Variants in LARP4B observed in about 807,000 individuals in gnomAD.
The protein encoded by LARP4B is la-related protein 4B.
LARP4B carries 12 observed loss-of-function variants against 89.8 expected under a neutral mutation model. That is an observed-to-expected ratio of 0.13 (90% CI 0.09 to 0.22). LARP4B has a LOEUF of 0.22. Ranked by LOEUF, LARP4B falls within the 10% of genes least tolerant of loss-of-function variation. LARP4B has a pLI of 1.00. For missense variants in LARP4B, 757 were observed against 947.7 expected, an observed-to-expected ratio of 0.80 and a Z score of 2.64; for synonymous variants, 367 against 363.3, an observed-to-expected ratio of 1.01 and a Z score of -0.12.
chr10:813,003 C>A lies in LARP4B; in HGVS notation c.2140G>T (p.Gly714Trp), dbSNP rs1337319874. The A allele has an allele frequency of 6.3e-7, 1 of 1,592,810 alleles. No individual in the cohort carries two copies. Residue 714 changes from glycine (G) to tryptophan (W), a missense_variant, in exon 18 of 18, where the codon GGG (glycine) becomes TGG (tryptophan). Around this residue, in one of 5 missense-constraint regions of LARP4B, gnomAD observed 387 missense variants for 423.6 expected, o/e 0.91. Coordinates refer to ENST00000316157, the MANE Select transcript of LARP4B (RefSeq NM_015155.3). The stretch of plus-strand genomic sequence containing the variant: ...ATGGCCGAGGGCGAGGGCCGGCCCC[C>A]CGCCGGCCGCCTCTGGTCTCTGGGG... Reference protein sequence around the residue: ...GAPRDQRRPAGGRPSPSAMGK... With the variant: ...GAPRDQRRPAWGRPSPSAMGK...
At chr10:965,098 C>A in the LARP4B span, among the ~76,000 whole-genome samples, 1 of 152,196 alleles carries the variant, frequency 6.6e-6, no homozygotes, top group Non-Finnish European at 1.5e-5. Flanking sequence ...CTGCTAGGTC[C>A]TCGCGGCTCA....
the LARP4B span, among the ~76,000 whole-genome samples, chr10:948,630 C>T: frequency 2.0e-5 from 3 of 152,272 alleles, no homozygotes; most frequent in Non-Finnish European, 4.4e-5. Context: ...CCCCACAGGA[C>T]CTTCTGCTCC....
At chr10:832,089 G>C (rs1832935308) in intron 8 of LARP4B, among the ~76,000 whole-genome samples, 1 of 151,814 alleles carries the variant, frequency 6.6e-6, no homozygotes, top group South Asian at 2.1e-4. Context: ...TTTCGCCCAG[G>C]CCAGAGTTCA....
chr10:830,478 T>C (rs1286712488), intron 9 of LARP4B, among the ~76,000 whole-genome samples: 1 of 152,228 alleles, frequency 6.6e-6, no homozygotes, highest in African/African-American at 2.4e-5. Flanking sequence ...TCACGCCTCC[T>C]TACAGAGCTT....
chr10:911,306 C>T (rs12357633), intron 1 of LARP4B, among the ~76,000 whole-genome samples: 19,485 of 151,906 alleles, frequency 0.13, 1,630 homozygotes, highest in Non-Finnish European at 0.19. Flanking sequence ...CAGAGTTCTA[C>T]GGTCAGAAGT....
the LARP4B span, among the ~76,000 whole-genome samples, chr10:970,757 G>A: frequency 6.6e-6 from 1 of 152,044 alleles, no homozygotes; most frequent in South Asian, 2.1e-4. Flanking sequence ...TGTAAGACCG[G>A]ACTGAGCATA....
chr10:941,349 T>C, the LARP4B span, among the ~76,000 whole-genome samples: 1 of 151,728 alleles, frequency 6.6e-6, no homozygotes, highest in East Asian at 1.9e-4. Context: ...AGTTTCACTC[T>C]TGTCGCCCAG....
intron 5 of LARP4B, 89 bp from the exon 6 acceptor site, chr10:845,144 T>A: frequency 1.1e-6 from 1 of 872,530 alleles, no homozygotes; most frequent in Non-Finnish European, 1.8e-6. Flanking sequence ...GCTTTCAACT[T>A]ACGTTCTGAC....
chr10:815,891 G>A (rs1350708249), intron 15 of LARP4B, among the ~76,000 whole-genome samples: 1 of 152,218 alleles, frequency 6.6e-6, no homozygotes, highest in East Asian at 1.9e-4. Context: ...CAGCTTGGTG[G>A]AAACAAGAGG....
chr10:918,611 C>A lies in LARP4B; in HGVS notation c.-40+12817G>T, dbSNP rs142321152. ...ATCACGCCACTGCACTCCAGCCTGG[C>A]AACAGAGTGAGACCCTGTCTCAAAA... On this transcript the variant is annotated intron_variant, in intron 1 of 17. Coordinates refer to ENST00000316157, the MANE Select transcript of LARP4B (RefSeq NM_015155.3). 5.8e-3 allele frequency among the ~76,000 whole-genome samples: 697 copies of A among 119,890 alleles called. 7 individuals carry two copies. The highest frequency in any genetic ancestry group is 0.021 in the African/African-American group (634 of 30,736). 78.7% of individuals were successfully genotyped at this position (119,890 alleles called of 152,430 possible).
At chr10:864,797 T>A (rs1157200612) in intron 3 of LARP4B, among the ~76,000 whole-genome samples, 1 of 151,960 alleles carries the variant, frequency 6.6e-6, no homozygotes. Flanking sequence ...CTACTAAAAA[T>A]ACAAAATTAG....
At chr10:880,584 G>GC (rs1275494320) in intron 3 of LARP4B, among the ~76,000 whole-genome samples, 1 of 152,092 alleles carries the variant, frequency 6.6e-6, no homozygotes, top group Non-Finnish European at 1.5e-5. Flanking sequence ...TACTCAGAAG[G>GC]CTGAGGCACA....
At chr10:857,074 A>AC (rs1834341882) in intron 5 of LARP4B, among the ~76,000 whole-genome samples, 1 of 152,100 alleles carries the variant, frequency 6.6e-6, no homozygotes, top group Non-Finnish European at 1.5e-5. Flanking sequence ...CATAGTCACC[A>AC]CAGTGCCTTC....
chr10:952,227 C>G, the LARP4B span, among the ~76,000 whole-genome samples: 2 of 149,220 alleles, frequency 1.3e-5, no homozygotes, highest in African/African-American at 2.5e-5. Flanking sequence ...GTAGTCCCAG[C>G]TACTTGGGAG....
chr10:837,086 C>T (rs1407033013), intron 7 of LARP4B, among the ~76,000 whole-genome samples: 3 of 152,130 alleles, frequency 2.0e-5, no homozygotes, highest in South Asian at 2.1e-4. Flanking sequence ...ATGAAAGTGG[C>T]AACATCATTA....
chr10:947,352 A>G, the LARP4B span, among the ~76,000 whole-genome samples: 6 of 152,140 alleles, frequency 3.9e-5, no homozygotes, highest in East Asian at 9.6e-4. Flanking sequence ...ACAAACGGCA[A>G]ATATGCTGTG....
intron 5 of LARP4B, among the ~76,000 whole-genome samples, chr10:860,095 G>C (rs1834517224): frequency 9.2e-6 from 1 of 108,706 alleles, no homozygotes; most frequent in Non-Finnish European, 1.7e-5. Flanking sequence ...GAGGGAGTGT[G>C]AATAGTGAAG....
chr10:958,696 G>A, the LARP4B span, among the ~76,000 whole-genome samples: 4 of 152,200 alleles, frequency 2.6e-5, no homozygotes, highest in Admixed American at 6.5e-5. Flanking sequence ...GGGTGAATCC[G>A]TTTAGCCGCT....
intron 3 of LARP4B, among the ~76,000 whole-genome samples, chr10:884,063 A>G (rs1835778863): frequency 6.6e-6 from 1 of 152,210 alleles, no homozygotes; most frequent in Admixed American, 6.5e-5. Context: ...TGTGAAACAA[A>G]TTTTCTGAGT....
Sources: allele counts gnomAD v4.1 joint callset (sites outside exome capture counted in the v4.1 genomes callset), GRCh38; gene constraint gnomAD v4.1.1; regional missense constraint gnomAD v4.1.1; transcripts MANE v1.5; gene names NCBI Gene and HGNC (gene_info 2026-07-23, HGNC 2026-07-21).